The following ARHGAP6 variants were observed in gnomAD, a reference collection of about 807,000 sequenced individuals.
ARHGAP6 encodes rho GTPase-activating protein 6.
A neutral mutation model predicts 55.7 loss-of-function variants in ARHGAP6; 16 were observed. The ratio of observed to expected loss-of-function variants is 0.29; its 90% CI spans 0.19 to 0.44. The LOEUF (loss-of-function observed/expected upper bound fraction) is 0.44, where lower values mean the gene tolerates loss of function less well. Among genes scored for constraint, ARHGAP6 ranks in the 20% least tolerant of loss-of-function variants. ARHGAP6 has a pLI of 1.00. For missense variants in ARHGAP6, 698 were observed against 808.9 expected, an observed-to-expected ratio of 0.86 and a Z score of 1.66; for synonymous variants, 382 against 360.9, an observed-to-expected ratio of 1.06 and a Z score of -0.66.
At chrX:11,487,667 A>C (rs1410939190) in intron 1 of ARHGAP6, among the ~76,000 whole-genome samples, 3 of 112,207 alleles carry the variant, frequency 2.7e-5, no homozygotes, top group Non-Finnish European at 5.6e-5. Flanking sequence ...TCTATATCTT[A>C]TCAGGCAACC....
At chrX:11,380,903 A>G (rs1285202813) in intron 1 of ARHGAP6, among the ~76,000 whole-genome samples, 2 of 112,373 alleles carry the variant, frequency 1.8e-5, no homozygotes, top group African/African-American at 3.2e-5. Context: ...AATCACCCCC[A>G]TTGAGAACTA....
intron 1 of ARHGAP6, among the ~76,000 whole-genome samples, chrX:11,369,527 T>G (rs2049120716): frequency 9.0e-6 from 1 of 111,577 alleles, no homozygotes; most frequent in Non-Finnish European, 1.9e-5. Flanking sequence ...AACCTTGCCC[T>G]CATCACTCAT....
intron 1 of ARHGAP6, among the ~76,000 whole-genome samples, chrX:11,634,249 G>A (rs1032965886): frequency 6.4e-5 from 7 of 110,073 alleles, no homozygotes; most frequent in African/African-American, 2.3e-4. Flanking sequence ...TTCTTAATAA[G>A]CTTTAACTAA....
intron 1 of ARHGAP6, among the ~76,000 whole-genome samples, chrX:11,588,414 T>C (rs1332948983): frequency 8.9e-6 from 1 of 111,793 alleles, no homozygotes; most frequent in African/African-American, 3.3e-5. Context: ...ATTCCATTCC[T>C]AGGTATATAC....
At chrX:11,311,521 A>T (rs1603057673) in intron 1 of ARHGAP6, among the ~76,000 whole-genome samples, 1 of 111,985 alleles carries the variant, frequency 8.9e-6, no homozygotes, top group South Asian at 3.7e-4. Flanking sequence ...GCTACAACAC[A>T]TGGTTTCTGG....
At position 11,409,043 on chromosome X, in the gene ARHGAP6, C is replaced by T. The variant is rs1026486663; in HGVS notation, c.589-154336G>A. Among the ~76,000 whole-genome samples, 6 of 110,736 alleles carry T rather than the reference C, an allele frequency of 5.4e-5. No homozygotes were observed. In the South Asian group the frequency reaches 1.9e-3, roughly 36 times the overall value. On this transcript the variant is annotated intron_variant, in intron 1 of 12. Transcript: ENST00000337414. ...AGTCCCTGCCATTTTTCTTGACCAC[C>T]GCACCCATCTCTCCAAAGCTCTGTT... is the stretch of plus-strand genomic sequence containing the variant.
At chrX:11,546,908 C>T (rs767136121) in intron 1 of ARHGAP6, among the ~76,000 whole-genome samples, 12 of 112,092 alleles carry the variant, frequency 1.1e-4, no homozygotes, top group Non-Finnish European at 2.3e-4. Flanking sequence ...CCAAATGAGA[C>T]AGTAAATACA....
chrX:11,260,859 C>A (rs1411150281), intron 1 of ARHGAP6, among the ~76,000 whole-genome samples: 2 of 111,515 alleles, frequency 1.8e-5, no homozygotes, highest in Admixed American at 9.6e-5. Flanking sequence ...CATGTAGTGC[C>A]CTACACATAT....
At position 11,450,398 on chromosome X, in the gene ARHGAP6, T is replaced by C. The variant is rs1258701063; in HGVS notation, c.589-195691A>G. On this transcript the variant is annotated intron_variant, in intron 1 of 12. Coordinates refer to ENST00000337414, the MANE Select transcript of ARHGAP6 (RefSeq NM_013427.3). Reference sequence around the variant, plus strand: ...TGTCATTTCAACGTGCTCAGCTACCTACGTGAAATTCTAAACAAGTAATAC... The same window carrying C: ...TGTCATTTCAACGTGCTCAGCTACCCACGTGAAATTCTAAACAAGTAATAC... Among the ~76,000 whole-genome samples, 10 of 112,051 alleles carry C rather than the reference T, an allele frequency of 8.9e-5. No individual in the cohort carries two copies. The Admixed American group carries it at 9.5e-4, about 11-fold the overall frequency.
At chrX:11,159,941 T>TAAC (rs2045918559) in intron 9 of ARHGAP6, among the ~76,000 whole-genome samples, 1 of 110,962 alleles carries the variant, frequency 9.0e-6, no homozygotes, top group African/African-American at 3.3e-5. Context: ...TGTGCTATTA[T>TAAC]AACAGTTTTT....
At chrX:11,277,388 T>C (rs759352595) in intron 1 of ARHGAP6, among the ~76,000 whole-genome samples, 1 of 96,047 alleles carries the variant, frequency 1.0e-5, no homozygotes, top group Non-Finnish European at 2.0e-5. Flanking sequence ...TTTGGGTATA[T>C]AACTAGAAGT....
chrX:11,486,859 T>C (rs1018774684), intron 1 of ARHGAP6, among the ~76,000 whole-genome samples: 5 of 111,651 alleles, frequency 4.5e-5, no homozygotes, highest in Non-Finnish European at 9.4e-5. Context: ...TGGCTTGGTA[T>C]GGGATTTTGG....
chrX:11,277,951 C>T (rs1025928525), intron 1 of ARHGAP6, among the ~76,000 whole-genome samples: 2 of 111,213 alleles, frequency 1.8e-5, no homozygotes, highest in Admixed American at 1.9e-4. Flanking sequence ...TACTCTTGTC[C>T]TCTTTGATTT....
intron 1 of ARHGAP6, among the ~76,000 whole-genome samples, chrX:11,378,633 C>T (rs2049228525): frequency 8.9e-6 from 1 of 112,332 alleles, no homozygotes; most frequent in Non-Finnish European, 1.9e-5. Flanking sequence ...CCTAAAATCC[C>T]TGTTCCATCA....
intron 1 of ARHGAP6, among the ~76,000 whole-genome samples, chrX:11,553,468 T>A (rs921635589): frequency 1.8e-5 from 2 of 111,539 alleles, no homozygotes; most frequent in African/African-American, 6.5e-5. Flanking sequence ...TTCTCGAACT[T>A]CTGGACTCAA....
chrX:11,186,346 T>C lies in ARHGAP6; in HGVS notation c.1163A>G (p.Glu388Gly). The C allele has an allele frequency of 8.3e-7, 1 of 1,211,148 alleles. No individual in the cohort carries two copies. Among genetic ancestry groups the C allele is most frequent in the Non-Finnish European group, 1.1e-6 (1 of 895,068 alleles). The change falls in exon 5 of 13, where the codon GAG becomes GGG. Residue 388 changes from glutamate (E) to glycine (G), a missense_variant. By Grantham distance (98) the Glu-to-Gly change is moderately conservative. Coordinates refer to ENST00000337414, the MANE Select transcript of ARHGAP6 (RefSeq NM_013427.3). ...LEALQLSLPA[E>G]AQSKKEKARD... ...GGCTTTTTCCTTTTTACTTTGAGCC[T>C]CAGCAGGCAAGGAAAGTTGTAAAGC...
intron 9 of ARHGAP6, among the ~76,000 whole-genome samples, chrX:11,168,628 G>A (rs1392127047): frequency 8.9e-6 from 1 of 112,110 alleles, no homozygotes; most frequent in Non-Finnish European, 1.9e-5. Context: ...CTCGGTTGAA[G>A]GAAGGAGCCA....
At position 11,650,515 on chromosome X, in the gene ARHGAP6, T is replaced by C. The variant is rs189266436; in HGVS notation, c.588+13726A>G. The stretch of plus-strand genomic sequence containing the variant: ...TGATGAGGAAAGGCAAACTAGACAA[T>C]CAAGATCCATTGACTCTCCTGCATC... On this transcript the variant is annotated intron_variant, in intron 1 of 12. Coordinates refer to ENST00000337414, the MANE Select transcript of ARHGAP6 (RefSeq NM_013427.3). Among the ~76,000 whole-genome samples the C allele has an allele frequency of 1.4e-4, 16 of 111,094 alleles. No individual in the cohort carries two copies. The East Asian group carries it at 4.5e-3, about 31-fold the overall frequency.
intron 1 of ARHGAP6, among the ~76,000 whole-genome samples, chrX:11,528,136 T>A (rs2051009947): frequency 8.9e-6 from 1 of 112,155 alleles, no homozygotes; most frequent in Admixed American, 9.5e-5. Flanking sequence ...GTCTAAAGAT[T>A]CACATTCTTT....
Sources: gnomAD v4.1 joint callset for allele counts (sites outside exome capture counted in the v4.1 genomes callset) on GRCh38, gnomAD v4.1.1 for gene constraint, MANE v1.5 for transcripts, NCBI Gene and HGNC (gene_info 2026-07-23, HGNC 2026-07-21) for gene names.